Variants in MAP3K3 observed in about 807,000 individuals in gnomAD.
MAP3K3 encodes the protein MAP/ERK kinase kinase 3.
Under a neutral mutation model 80.9 loss-of-function variants are expected in MAP3K3, and 12 were observed. The ratio of observed to expected loss-of-function variants is 0.15; its 90% CI spans 0.10 to 0.24. MAP3K3 has a LOEUF of 0.24. Among genes scored for constraint, MAP3K3 ranks in the 10% least tolerant of loss-of-function variants. MAP3K3 has a pLI of 1.00. For missense variants in MAP3K3, 596 were observed against 834.7 expected, an observed-to-expected ratio of 0.71 and a Z score of 3.52; for synonymous variants, 272 against 307.1, an observed-to-expected ratio of 0.89 and a Z score of 1.19.
At chr17:63,667,432 A>C (rs1293366858) in intron 6 of MAP3K3, among the ~76,000 whole-genome samples, 1 of 152,164 alleles carries the variant, frequency 6.6e-6, no homozygotes, top group African/African-American at 2.4e-5. Context: ...TTGAATTTTG[A>C]CCTTAAACCT....
chr17:63,662,650 A>ATTTT (rs1192833142), intron 5 of MAP3K3, among the ~76,000 whole-genome samples: 99 of 82,558 alleles, frequency 1.2e-3, no homozygotes, highest in Middle Eastern at 9.8e-3. Flanking sequence ...AGAAGAGGGA[A>ATTTT]TTTTTTTTTT....
chr17:63,689,097 T>G lies in MAP3K3; in HGVS notation c.871+216T>G, dbSNP rs16947042. The G allele has an allele frequency of 0.29, 171,480 of 591,142 alleles. 31,428 individuals are homozygous for G. Among genetic ancestry groups the G allele is most frequent in the African/African-American group, 0.71 (37,996 of 53,686 alleles). The allele number at this position is 591,142 out of a possible 1,614,324, so 36.6% of individuals were successfully genotyped here. A position where few individuals can be genotyped will look rare whatever the true frequency, so the allele number is the denominator to read the frequency against. On this transcript the variant is annotated intron_variant, in intron 10 of 15. Transcript: ENST00000361733. The surrounding 1 kb of genome is among the most constrained non-coding windows in gnomAD (Gnocchi z 4.3). ...GCTGCCACTGGGAACTCTGACCTTGTTTGAAGCCAGTGGTGTGCTCCAGGG... is the reference window on the plus strand; with the variant it reads ...GCTGCCACTGGGAACTCTGACCTTGGTTGAAGCCAGTGGTGTGCTCCAGGG...
chr17:63,636,040 C>T (rs929269298), intron 2 of MAP3K3, among the ~76,000 whole-genome samples: 1 of 152,108 alleles, frequency 6.6e-6, no homozygotes, highest in African/African-American at 2.4e-5. Context: ...AAGGCAGAGT[C>T]GAGACTGGCA....
chr17:63,642,680 A>G (rs2034466101), intron 2 of MAP3K3, among the ~76,000 whole-genome samples: 1 of 151,904 alleles, frequency 6.6e-6, no homozygotes, highest in South Asian at 2.1e-4. Flanking sequence ...AATAAATAAA[A>G]TGTTGTCCCA....
chr17:63,681,944 G>A (rs778322502), intron 7 of MAP3K3, 45 bp downstream of exon 7: 1 of 1,326,042 alleles, frequency 7.5e-7, no homozygotes, highest in Admixed American at 3.0e-5. Context: ...TGTATCAGCA[G>A]ACCAAGCTCA....
chr17:63,647,716 T>C (rs889486340), intron 3 of MAP3K3, among the ~76,000 whole-genome samples: 19 of 152,210 alleles, frequency 1.2e-4, no homozygotes, highest in African/African-American at 4.6e-4. Flanking sequence ...TTGAGGACTT[T>C]ATAAAGTTGG....
At chr17:63,664,162 G>A in intron 5 of MAP3K3, among the ~76,000 whole-genome samples, 1 of 149,944 alleles carries the variant, frequency 6.7e-6, no homozygotes, top group Non-Finnish European at 1.5e-5. Flanking sequence ...CAGGAGAATG[G>A]CGTGAACCCG....
intron 3 of MAP3K3, among the ~76,000 whole-genome samples, chr17:63,647,715 T>C (rs2034567564): frequency 6.6e-6 from 1 of 152,178 alleles, no homozygotes; most frequent in Admixed American, 6.5e-5. Flanking sequence ...ATTGAGGACT[T>C]TATAAAGTTG....
chr17:63,681,426 G>A (rs1032895565), intron 6 of MAP3K3, among the ~76,000 whole-genome samples: 1 of 152,238 alleles, frequency 6.6e-6, no homozygotes, highest in African/African-American at 2.4e-5. Flanking sequence ...GAGGAAGAGA[G>A]AAGGTGACAT....
intron 1 of MAP3K3, among the ~76,000 whole-genome samples, chr17:63,629,064 C>T (rs1266778603): frequency 2.0e-5 from 3 of 151,892 alleles, no homozygotes; most frequent in African/African-American, 4.8e-5. Context: ...GGCCTCCTTA[C>T]CAAATTTTTC....
chr17:63,630,581 C>T (rs2076104730), intron 1 of MAP3K3, among the ~76,000 whole-genome samples: 1 of 152,198 alleles, frequency 6.6e-6, no homozygotes, highest in Non-Finnish European at 1.5e-5. Context: ...CCTGCCTCAG[C>T]CTCCCAAAGT....
chr17:63,666,799 TGG>T, intron 5 of MAP3K3, 139 bp from the exon 6 acceptor site: 1 of 830,890 alleles, frequency 1.2e-6, no homozygotes, highest in Non-Finnish European at 1.9e-6. Context: ...GAGTGAGATT[TGG>T]GGGAAAGCTG....
intron 3 of MAP3K3, 38 bp downstream of exon 3, chr17:63,646,112 T>G: frequency 6.3e-7 from 1 of 1,595,716 alleles, no homozygotes; most frequent in Non-Finnish European, 8.6e-7. Context: ...TGTTCATGTA[T>G]GCCAAAGTTC....
intron 1 of MAP3K3, among the ~76,000 whole-genome samples, chr17:63,629,268 G>A (rs569163626): frequency 8.6e-5 from 13 of 152,008 alleles, no homozygotes; most frequent in African/African-American, 2.4e-4. Flanking sequence ...GATTACAGGC[G>A]CACACCACCA....
At chr17:63,625,429 TC>T (rs1046153832) in intron 1 of MAP3K3, among the ~76,000 whole-genome samples, 2 of 152,230 alleles carry the variant, frequency 1.3e-5, no homozygotes, top group Non-Finnish European at 1.5e-5. Context: ...GTTTATGTGG[TC>T]TTTTTATAAA....
At chr17:63,675,862 G>C (rs1598106735) in intron 6 of MAP3K3, among the ~76,000 whole-genome samples, 1 of 152,240 alleles carries the variant, frequency 6.6e-6, no homozygotes. Context: ...GCATAGCTCT[G>C]TGCTTTGGGC....
intron 2 of MAP3K3, among the ~76,000 whole-genome samples, chr17:63,636,272 A>C (rs1220209107): frequency 2.0e-5 from 3 of 152,248 alleles, no homozygotes; most frequent in African/African-American, 7.2e-5. Context: ...ATGGAAGTAC[A>C]TGGGCAGTGA....
At chr17:63,642,716 T>C (rs1196734602) in intron 2 of MAP3K3, among the ~76,000 whole-genome samples, 1 of 152,074 alleles carries the variant, frequency 6.6e-6, no homozygotes. Context: ...CTGTTATGTG[T>C]GTGTGTGTTT....
intron 6 of MAP3K3, among the ~76,000 whole-genome samples, chr17:63,677,829 C>T (rs936576731): frequency 3.3e-5 from 5 of 152,066 alleles, no homozygotes; most frequent in Admixed American, 6.5e-5. Flanking sequence ...GAACACGCCA[C>T]TGCACTCCAA....
Sources: gnomAD v4.1 joint callset for allele counts (sites outside exome capture counted in the v4.1 genomes callset) on GRCh38, gnomAD v4.1.1 for gene constraint, Gnocchi (gnomAD v3.1) non-coding constraint, MANE v1.5 for transcripts, NCBI Gene and HGNC (gene_info 2026-07-23, HGNC 2026-07-21) for gene names.